Variants in CAST observed in about 807,000 individuals in gnomAD.
CAST encodes MIR583 host.
Under a neutral mutation model 119.6 loss-of-function variants are expected in CAST, and 76 were observed. The ratio of observed to expected loss-of-function variants is 0.64; its 90% CI spans 0.53 to 0.77. The LOEUF (loss-of-function observed/expected upper bound fraction) is 0.77, where lower values mean the gene tolerates loss of function less well. Among genes scored for constraint, CAST ranks in the 30% least tolerant of loss-of-function variants. The probability of loss-of-function intolerance (pLI) is 0.00; values close to 1 mark genes in which losing one functional copy is unlikely to be tolerated. For synonymous variants in CAST, 319 were observed against 331.6 expected (o/e 0.96, Z 0.41); for missense variants, 953 against 946.5 (o/e 1.01, Z -0.09).
chr5:96,283,078 C>G, the CAST span, among the ~76,000 whole-genome samples: 1 of 145,146 alleles, frequency 6.9e-6, no homozygotes. Flanking sequence ...TGCAGTGAGC[C>G]GAGATTGCGC....
the CAST span, among the ~76,000 whole-genome samples, chr5:96,409,997 A>T: frequency 6.6e-6 from 1 of 152,194 alleles, no homozygotes; most frequent in Non-Finnish European, 1.5e-5. Flanking sequence ...TTAGATCATG[A>T]CCTGCTATTT....
At chr5:96,751,565 G>T (rs544687413) in intron 20 of CAST, among the ~76,000 whole-genome samples, 1 of 152,216 alleles carries the variant, frequency 6.6e-6, no homozygotes, top group South Asian at 2.1e-4. Context: ...CCAGTTTTTT[G>T]GGGTTTCAGG....
the CAST span, among the ~76,000 whole-genome samples, chr5:96,037,836 G>C: frequency 2.0e-5 from 3 of 152,116 alleles, no homozygotes; most frequent in Admixed American, 2.0e-4. Flanking sequence ...CTGAAGGCTT[G>C]CCTGGGGTGG....
chr5:96,689,287 A>G (rs1406980802), intron 2 of CAST, among the ~76,000 whole-genome samples: 1 of 152,208 alleles, frequency 6.6e-6, no homozygotes, highest in African/African-American at 2.4e-5. Flanking sequence ...TATATTTAGG[A>G]GGCACTATGT....
chr5:96,106,967 C>G, the CAST span, among the ~76,000 whole-genome samples: 8 of 143,214 alleles, frequency 5.6e-5, no homozygotes. Flanking sequence ...GATCCCTTTA[C>G]CATTATGTAA....
At chr5:96,599,973 A>AAAAAAAAAAGCAAAAC (rs1554070016) in intron 1 of CAST, among the ~76,000 whole-genome samples, 1 of 90,084 alleles carries the variant, frequency 1.1e-5, no homozygotes, top group African/African-American at 3.0e-5. Flanking sequence ...AGGCAAAAAA[A>AAAAAAAAAAGCAAAAC]AAAAAAAAAA....
the CAST span, among the ~76,000 whole-genome samples, chr5:96,230,259 A>C: frequency 4.1e-4 from 63 of 152,284 alleles, no homozygotes; most frequent in Admixed American, 1.2e-3. Flanking sequence ...GCAGAGGCAC[A>C]AAGTCTTCCT....
chr5:96,376,545 A>T, the CAST span, among the ~76,000 whole-genome samples: 215 of 151,754 alleles, frequency 1.4e-3, 1 homozygote, highest in Admixed American at 2.5e-3. Flanking sequence ...GGTTCAAGTG[A>T]TTCTCCAGCC....
the CAST span, among the ~76,000 whole-genome samples, chr5:96,249,095 T>G: frequency 6.6e-6 from 1 of 152,230 alleles, no homozygotes; most frequent in African/African-American, 2.4e-5. Context: ...ACCTGTATTA[T>G]TCCAGATTTG....
At chr5:96,033,948 C>T in the CAST span, among the ~76,000 whole-genome samples, 2 of 151,804 alleles carry the variant, frequency 1.3e-5, no homozygotes, top group Admixed American at 6.6e-5. Context: ...TTCAAACAAC[C>T]GAATAACAAG....
chr5:95,966,739 AC>A, the CAST span, among the ~76,000 whole-genome samples: 6 of 152,148 alleles, frequency 3.9e-5, no homozygotes, highest in African/African-American at 1.4e-4. Context: ...AGATGGAGAT[AC>A]TCAGTCTTCA....
intron 19 of CAST, among the ~76,000 whole-genome samples, chr5:96,750,234 A>G (rs970445189): frequency 2.6e-5 from 4 of 152,230 alleles, no homozygotes; most frequent in African/African-American, 9.6e-5. Flanking sequence ...GTATTGAGCT[A>G]ACTGTGTTCC....
the CAST span, among the ~76,000 whole-genome samples, chr5:96,291,843 CGTGTGTGTGTGTGTGTGTGTGTGT>C: frequency 3.0e-5 from 4 of 132,968 alleles, no homozygotes; most frequent in African/African-American, 8.4e-5. Context: ...TCCCAGTCTG[CGTGTGTGTGTGTGTGTGTGTGTGT>C]GTGTGTGTGT....
At chr5:96,025,044 T>C in the CAST span, among the ~76,000 whole-genome samples, 268 of 152,342 alleles carry the variant, frequency 1.8e-3, 1 homozygote, top group African/African-American at 6.1e-3. Context: ...AACCAGTGCT[T>C]GAACATTTGA....
chr5:96,064,502 T>C, the CAST span, among the ~76,000 whole-genome samples: 3 of 152,176 alleles, frequency 2.0e-5, no homozygotes, highest in African/African-American at 7.2e-5. Context: ...AGATTTCATT[T>C]TTGTACTTTC....
the CAST span, among the ~76,000 whole-genome samples, chr5:96,253,028 A>G: frequency 6.6e-6 from 1 of 152,292 alleles, no homozygotes; most frequent in African/African-American, 2.4e-5. Flanking sequence ...ATTTAAGAAA[A>G]TGGGATCATA....
the CAST span, among the ~76,000 whole-genome samples, chr5:96,373,394 C>T: frequency 4.6e-5 from 7 of 152,206 alleles, no homozygotes; most frequent in African/African-American, 1.4e-4. Flanking sequence ...TCCCAAAATA[C>T]GTAGACAAAC....
chr5:96,203,985 A>G, the CAST span, among the ~76,000 whole-genome samples: 503 of 152,208 alleles, frequency 3.3e-3, 3 homozygotes, highest in African/African-American at 0.011. Context: ...GAAGCTAATT[A>G]TGAGTAGGGT....
the CAST span, among the ~76,000 whole-genome samples, chr5:96,051,199 C>CGT: frequency 9.3e-5 from 14 of 151,050 alleles, no homozygotes; most frequent in East Asian, 3.9e-4. Flanking sequence ...TTCATTCAGG[C>CGT]GTGTGTGTGT....
Sources: gnomAD v4.1 joint callset for allele counts (sites outside exome capture counted in the v4.1 genomes callset) on GRCh38, gnomAD v4.1.1 for gene constraint, MANE v1.5 for transcripts, NCBI Gene and HGNC (gene_info 2026-07-23, HGNC 2026-07-21) for gene names.